Variants in COL19A1 observed in about 807,000 individuals in gnomAD.
COL19A1 encodes the protein collagen type XIX alpha 1 chain.
COL19A1 carries 159 observed loss-of-function variants against 190.2 expected under a neutral mutation model. The ratio of observed to expected loss-of-function variants is 0.84; its 90% CI spans 0.73 to 0.95. COL19A1 has a LOEUF of 0.95. Ranked by LOEUF, COL19A1 falls within the 40% of genes least tolerant of loss-of-function variation. The pLI is 0.00. For synonymous variants in COL19A1, 509 were observed against 458.9 expected, an observed-to-expected ratio of 1.11 and a Z score of -1.39; for missense variants, 1,418 against 1,431.9, an observed-to-expected ratio of 0.99 and a Z score of 0.16.
At chr6:69,932,052 A>G (rs1169196813) in intron 6 of COL19A1, among the ~76,000 whole-genome samples, 1 of 152,076 alleles carries the variant, frequency 6.6e-6, no homozygotes, top group Admixed American at 6.6e-5. Flanking sequence ...AATTTATTAT[A>G]TTGCTATTTT....
At chr6:70,060,651 C>G (rs1780776341) in intron 14 of COL19A1, among the ~76,000 whole-genome samples, 1 of 152,112 alleles carries the variant, frequency 6.6e-6, no homozygotes, top group African/African-American at 2.4e-5. Flanking sequence ...GATGATCTGT[C>G]ACTGTCTCCC....
At chr6:69,883,576 C>G (rs1213504214) in intron 2 of COL19A1, among the ~76,000 whole-genome samples, 1 of 152,140 alleles carries the variant, frequency 6.6e-6, no homozygotes, top group Admixed American at 6.5e-5. Context: ...ATAACTTGAC[C>G]AGACAAATTA....
At chr6:69,964,385 A>G (rs541844791) in intron 11 of COL19A1, among the ~76,000 whole-genome samples, 1 of 152,318 alleles carries the variant, frequency 6.6e-6, no homozygotes, top group African/African-American at 2.4e-5. Context: ...TTGGAAGGCC[A>G]TGTCTTTAAA....
At chr6:70,100,421 A>G (rs951171490) in intron 15 of COL19A1, among the ~76,000 whole-genome samples, 1 of 152,188 alleles carries the variant, frequency 6.6e-6, no homozygotes, top group Non-Finnish European at 1.5e-5. Context: ...AGAATATTAA[A>G]TTATATGTTC....
chr6:69,973,070 C>G (rs1055291156), intron 11 of COL19A1, among the ~76,000 whole-genome samples: 2 of 152,058 alleles, frequency 1.3e-5, no homozygotes, highest in Non-Finnish European at 2.9e-5. Flanking sequence ...ATAGAAAAAC[C>G]ATGATCCTCA....
chr6:70,114,343 TAA>T (rs1206036064), intron 16 of COL19A1, among the ~76,000 whole-genome samples: 26 of 152,280 alleles, frequency 1.7e-4, no homozygotes, highest in African/African-American at 6.0e-4. Flanking sequence ...GGGAAAGAGT[TAA>T]AAGATCAAGG....
chr6:70,043,672 A>AT (rs1029418680), intron 14 of COL19A1, among the ~76,000 whole-genome samples: 26 of 152,114 alleles, frequency 1.7e-4, no homozygotes, highest in African/African-American at 5.8e-4. Context: ...TGAAAGAAAT[A>AT]TTTTTTTCTA....
intron 42 of COL19A1, 76 bp from the exon 43 acceptor site, chr6:70,180,236 G>A: frequency 1.3e-6 from 2 of 1,538,760 alleles, no homozygotes; most frequent in Non-Finnish European, 1.8e-6. Context: ...AACTCAATTG[G>A]GGTTGGGGGA....
intron 4 of COL19A1, among the ~76,000 whole-genome samples, chr6:69,923,735 C>T (rs911473654): frequency 6.6e-6 from 1 of 152,132 alleles, no homozygotes; most frequent in Non-Finnish European, 1.5e-5. Context: ...TCCGGAAAGG[C>T]CTGAAAAGGC....
rs5877239 is a variant in COL19A1, at chr6:70,099,056, T to TA, written c.1225-3086dup. On this transcript the variant is annotated intron_variant, in intron 15 of 50. Transcript: ENST00000620364. ...GGGCAACATAGTGAGACCCTGTCTC[T>TA]AAAAAAAAAAAAAAAAAAAAAAAAA... Among the ~76,000 whole-genome samples, 72 of 75,872 alleles carry TA rather than the reference T, an allele frequency of 9.5e-4. 1 individual carries two copies. The highest frequency in any genetic ancestry group is 2.3e-3 in the African/African-American group (44 of 19,152). The allele number at this position is 75,872 out of a possible 152,430, so 49.8% of individuals were successfully genotyped here.
chr6:70,168,726 T>C (rs977478804), intron 40 of COL19A1, 45 bp downstream of exon 40: 2 of 1,603,908 alleles, frequency 1.2e-6, no homozygotes, highest in East Asian at 2.2e-5. Flanking sequence ...TATTGGTCTT[T>C]GTTAAATTTT....
intron 16 of COL19A1, among the ~76,000 whole-genome samples, chr6:70,107,081 A>C (rs1582926848): frequency 6.6e-6 from 1 of 152,310 alleles, no homozygotes; most frequent in East Asian, 1.9e-4. Context: ...GGGGTAAATG[A>C]TACTTGGAAA....
At chr6:70,032,114 A>C (rs1461644476) in intron 12 of COL19A1, among the ~76,000 whole-genome samples, 1 of 152,174 alleles carries the variant, frequency 6.6e-6, no homozygotes, top group Non-Finnish European at 1.5e-5. Flanking sequence ...AAGAGGAGAC[A>C]TCAAGGGTAG....
At chr6:70,003,491 T>C (rs1777403727) in intron 11 of COL19A1, among the ~76,000 whole-genome samples, 1 of 152,182 alleles carries the variant, frequency 6.6e-6, no homozygotes, top group African/African-American at 2.4e-5. Context: ...CCCACTATTA[T>C]TGTGTGGGAG....
intron 9 of COL19A1, among the ~76,000 whole-genome samples, chr6:69,954,538 AT>A (rs771724890): frequency 6.6e-6 from 1 of 152,040 alleles, no homozygotes; most frequent in East Asian, 1.9e-4. Context: ...CAGAAGCATA[AT>A]TTAGGGAAAC....
At chr6:70,157,286 C>T (rs1583048311) in intron 34 of COL19A1, among the ~76,000 whole-genome samples, 1 of 152,082 alleles carries the variant, frequency 6.6e-6, no homozygotes, top group Non-Finnish European at 1.5e-5. Context: ...GACTAAGGTT[C>T]CAAGTCCAAT....
intron 9 of COL19A1, among the ~76,000 whole-genome samples, chr6:69,943,124 C>T (rs889507585): frequency 1.3e-5 from 2 of 151,910 alleles, no homozygotes; most frequent in Non-Finnish European, 2.9e-5. Context: ...ATTTTGATTC[C>T]AATTTGCTCC....
intron 1 of COL19A1, among the ~76,000 whole-genome samples, chr6:69,870,969 C>T (rs752694381): frequency 1.3e-5 from 2 of 152,052 alleles, no homozygotes; most frequent in Admixed American, 6.6e-5. Flanking sequence ...AACTTGAGTT[C>T]CTAAATTAAT....
In COL19A1 at chr6:70,208,697, C is replaced by G. The variant is rs1195080967; in HGVS notation, c.*1423C>G. On this transcript the variant is annotated 3_prime_UTR_variant, in exon 51 of 51. Coordinates refer to ENST00000620364, the MANE Select transcript of COL19A1 (RefSeq NM_001858.6). ...TCAGGACTCACAGCTCTTCAAGGAGCAGTGCAGATTTCAATTTGGCTAAAA... is the reference window on the plus strand; with the variant it reads ...TCAGGACTCACAGCTCTTCAAGGAGGAGTGCAGATTTCAATTTGGCTAAAA... 1 of 152,622 alleles carries G rather than the reference C, an allele frequency of 6.6e-6. No individual in the cohort carries two copies. Among genetic ancestry groups the G allele is most frequent in the African/African-American group, 2.4e-5 (1 of 41,448 alleles). The allele number at this position is 152,622 out of a possible 1,614,324, so 9.5% of individuals were successfully genotyped here.
Sources: allele counts gnomAD v4.1 joint callset (sites outside exome capture counted in the v4.1 genomes callset), GRCh38; gene constraint gnomAD v4.1.1; transcripts MANE v1.5; gene names NCBI Gene and HGNC (gene_info 2026-07-23, HGNC 2026-07-21).